The following MAML3 variants were observed in gnomAD, a reference collection of about 807,000 sequenced individuals.
The protein encoded by MAML3 is mastermind-like protein 3.
In MAML3, 27 loss-of-function variants were observed where a neutral mutation model predicts 101.9. That is an observed-to-expected ratio of 0.27 (90% CI 0.20 to 0.37). The LOEUF is 0.37. Among genes scored for constraint, MAML3 ranks in the 10% least tolerant of loss-of-function variants. The pLI is 1.00. For synonymous variants in MAML3, 501 were observed against 555.9 expected, an observed-to-expected ratio of 0.90 and a Z score of 1.39; for missense variants, 1,316 against 1,444.9, an observed-to-expected ratio of 0.91 and a Z score of 1.45.
chr4:140,139,380 C>T (rs979140550), intron 1 of MAML3, among the ~76,000 whole-genome samples: 1 of 151,986 alleles, frequency 6.6e-6, no homozygotes, highest in Non-Finnish European at 1.5e-5. Context: ...GAAACACTCA[C>T]TTTTTGAGTT....
chr4:139,856,353 G>T (rs1207211005), intron 2 of MAML3, among the ~76,000 whole-genome samples: 1 of 152,216 alleles, frequency 6.6e-6, no homozygotes, highest in Non-Finnish European at 1.5e-5. Flanking sequence ...GAGAACTCAG[G>T]AGAGGGATCC....
rs74528775 is a variant in MAML3, at chr4:139,894,980, C to T, written c.469-4013G>A. On this transcript the variant is annotated intron_variant, in intron 1 of 4. Transcript: ENST00000509479. ...CATTTGTCTTAACAATGAACTGACT[C>T]GATTTTAGAAAGTCCAAGTCCATGA... Among the ~76,000 whole-genome samples, 296 of 152,320 alleles carry T rather than the reference C, an allele frequency of 1.9e-3. 2 individuals are homozygous for T. The highest frequency in any genetic ancestry group is 6.3e-3 in the African/African-American group (263 of 41,570).
At chr4:140,125,893 C>G (rs1275688629) in intron 1 of MAML3, among the ~76,000 whole-genome samples, 1 of 152,144 alleles carries the variant, frequency 6.6e-6, no homozygotes. Context: ...ATTCTCCTGC[C>G]TCAACCTCCT....
At chr4:139,913,779 GC>G (rs910190081) in intron 1 of MAML3, among the ~76,000 whole-genome samples, 4 of 152,220 alleles carry the variant, frequency 2.6e-5, no homozygotes, top group Non-Finnish European at 5.9e-5. Context: ...TGATATGGAA[GC>G]AGTGTGGATT....
intron 1 of MAML3, among the ~76,000 whole-genome samples, chr4:139,915,058 C>G (rs1254119851): frequency 1.3e-5 from 2 of 152,148 alleles, no homozygotes; most frequent in Non-Finnish European, 2.9e-5. Context: ...CTTAAGTCAA[C>G]CGGGAGGCTT....
intron 1 of MAML3, among the ~76,000 whole-genome samples, chr4:139,914,827 C>T (rs762776963): frequency 3.3e-5 from 5 of 152,172 alleles, no homozygotes; most frequent in East Asian, 3.9e-4. Context: ...TGAAGAAAGA[C>T]GTTACCTTCA....
chr4:140,094,420 A>G (rs1463822364), intron 1 of MAML3, among the ~76,000 whole-genome samples: 1 of 152,198 alleles, frequency 6.6e-6, no homozygotes, highest in Non-Finnish European at 1.5e-5. Flanking sequence ...AAATAAAGCT[A>G]AGCAGCAGCC....
chr4:140,050,123 C>T (rs542662363), intron 1 of MAML3, among the ~76,000 whole-genome samples: 2 of 152,120 alleles, frequency 1.3e-5, no homozygotes, highest in East Asian at 3.9e-4. Context: ...GGCTCATTGC[C>T]AATAACAACA....
chr4:139,910,075 T>A (rs71606865), intron 1 of MAML3, among the ~76,000 whole-genome samples: 3 of 152,250 alleles, frequency 2.0e-5, no homozygotes, highest in African/African-American at 7.2e-5. Context: ...AAGAATAATT[T>A]GTGGTCAAAT....
intron 1 of MAML3, among the ~76,000 whole-genome samples, chr4:140,127,558 C>G (rs557221603): frequency 1.2e-3 from 178 of 152,314 alleles, no homozygotes; most frequent in African/African-American, 4.1e-3. Flanking sequence ...CACCACAAAC[C>G]TAGAGTCATG....
chr4:139,974,137 G>T (rs1214973036), intron 1 of MAML3, among the ~76,000 whole-genome samples: 1 of 139,942 alleles, frequency 7.1e-6, no homozygotes, highest in Non-Finnish European at 1.5e-5. Context: ...ACAGAGTCTC[G>T]CTCTATCACC....
At chr4:139,989,606 C>T (rs575236477) in intron 1 of MAML3, among the ~76,000 whole-genome samples, 9 of 152,140 alleles carry the variant, frequency 5.9e-5, no homozygotes, top group South Asian at 4.2e-4. Flanking sequence ...AGAAATGCTG[C>T]CTGCTTCCTA....
At chr4:140,136,098 A>C (rs911344474) in intron 1 of MAML3, among the ~76,000 whole-genome samples, 4 of 152,160 alleles carry the variant, frequency 2.6e-5, no homozygotes, top group African/African-American at 9.7e-5. Context: ...ATCTCTGGTG[A>C]CAGTGGGTTC....
chr4:139,734,810 G>GAA (rs1390062684), intron 2 of MAML3, among the ~76,000 whole-genome samples: 17 of 152,272 alleles, frequency 1.1e-4, no homozygotes, highest in Non-Finnish European at 2.4e-4. Context: ...CCTTGCTGGC[G>GAA]GCGAACCAAA....
At chr4:139,748,567 A>G (rs758406904) in intron 2 of MAML3, among the ~76,000 whole-genome samples, 26 of 152,316 alleles carry the variant, frequency 1.7e-4, no homozygotes, top group Non-Finnish European at 3.1e-4. Flanking sequence ...GGCTGAGAAG[A>G]GGCCAAGAAC....
At chr4:139,926,583 A>C (rs1378163554) in intron 1 of MAML3, among the ~76,000 whole-genome samples, 2 of 152,196 alleles carry the variant, frequency 1.3e-5, no homozygotes, top group Admixed American at 6.5e-5. Flanking sequence ...CTGGGAGATA[A>C]AGCGAGACTC....
chr4:139,848,438 G>A (rs915172787), intron 2 of MAML3, among the ~76,000 whole-genome samples: 1 of 152,192 alleles, frequency 6.6e-6, no homozygotes, highest in Non-Finnish European at 1.5e-5. Context: ...GTTGAAATGA[G>A]CAGAGTCCTT....
At chr4:140,063,718 A>G (rs1727486766) in intron 1 of MAML3, among the ~76,000 whole-genome samples, 1 of 152,144 alleles carries the variant, frequency 6.6e-6, no homozygotes, top group Non-Finnish European at 1.5e-5. Context: ...ACTGTAACTG[A>G]CAGTAACTGA....
intron 1 of MAML3, among the ~76,000 whole-genome samples, chr4:139,893,686 G>A (rs79037440): frequency 2.6e-5 from 4 of 152,112 alleles, no homozygotes; most frequent in African/African-American, 9.7e-5. Context: ...GGGAGTGATA[G>A]ATCTCTTACC....
Sources: gnomAD v4.1 joint callset for allele counts (sites outside exome capture counted in the v4.1 genomes callset) on GRCh38, gnomAD v4.1.1 for gene constraint, MANE v1.5 for transcripts, NCBI Gene and HGNC (gene_info 2026-07-23, HGNC 2026-07-21) for gene names.